Variants in ING1 observed in about 807,000 individuals in gnomAD.
ING1 encodes the protein inhibitor of growth family member 1, also known as inhibitor of growth protein 1.
Under a neutral mutation model 23.1 loss-of-function variants are expected in ING1, and 4 were observed. The ratio of observed to expected loss-of-function variants is 0.17; its 90% CI spans 0.09 to 0.40. The LOEUF is 0.40. Ranked by LOEUF, ING1 falls within the 10% of genes least tolerant of loss-of-function variation. The probability of loss-of-function intolerance (pLI) is 1.00; values close to 1 mark genes in which losing one functional copy is unlikely to be tolerated. For synonymous variants in ING1, 179 were observed against 166.4 expected (o/e 1.08, Z -0.58); for missense variants, 256 against 393.8 (o/e 0.65, Z 2.96).
At position 110,720,985 on chromosome 13, in the gene ING1, G is replaced by T; in HGVS notation, c.*1053G>T. The T allele has an allele frequency of 6.0e-6, 1 of 167,228 alleles. No homozygotes were observed. 10.4% of individuals were successfully genotyped at this position (167,228 alleles called of 1,614,324 possible). ...TCAGACCCTGGGTCAGGAAATTACT[G>T]CCCACTTGTCAAGTTCAGCCCACCA... On this transcript the variant is annotated 3_prime_UTR_variant, in exon 2 of 2. Coordinates refer to ENST00000333219, the MANE Select transcript of ING1 (RefSeq NM_198219.3).
chr13:110,723,141 C>G lies in ING1; in HGVS notation c.*3209C>G, dbSNP rs2064181707. On this transcript the variant is annotated 3_prime_UTR_variant, in exon 2 of 2. Transcript: ENST00000333219. ...GTATGTTCAAGGAAGTGTTGAGCAG[C>G]CATGGTGTTCCTGGGACAGGCTCCC... 1 of 152,302 alleles carries G rather than the reference C, an allele frequency of 6.6e-6. No individual in the cohort carries two copies. The highest frequency in any genetic ancestry group is 3.4e-3 in the Middle Eastern group (1 of 294). 9.4% of individuals were successfully genotyped at this position (152,302 alleles called of 1,614,324 possible). A position where few individuals can be genotyped will look rare whatever the true frequency, so the allele number is the denominator to read the frequency against.
chr13:110,714,422 G>A (rs1259845588), intron 1 of ING1, 137 bp downstream of exon 1: 1 of 802,896 alleles, frequency 1.2e-6, no homozygotes, highest in Non-Finnish European at 1.7e-6. Flanking sequence ...GCAGGGGCAG[G>A]AACAAAAGGT....
chr13:110,713,653 C>G, upstream of ING1: 1 of 985,416 alleles, frequency 1.0e-6, no homozygotes, highest in Non-Finnish European at 1.2e-6. Context: ...CGCATGCGCG[C>G]TGCGCAGCGG....
intron 1 of ING1, chr13:110,715,737 A>C: frequency 6.3e-7 from 1 of 1,585,166 alleles, no homozygotes; most frequent in Non-Finnish European, 8.6e-7. Context: ...CGATTCCCAT[A>C]GGCGGCGGCT....
intron 1 of ING1, chr13:110,715,662 C>G (rs750740457): frequency 1.1e-5 from 18 of 1,610,406 alleles, no homozygotes; most frequent in Admixed American, 8.5e-5. Flanking sequence ...GCTGCTGGGG[C>G]GGGCCGTGCT....
chr13:110,715,577 G>C, intron 1 of ING1: 1 of 1,614,134 alleles, frequency 6.2e-7, no homozygotes, highest in Non-Finnish European at 8.5e-7. Context: ...TCGGGGAGGA[G>C]CGGGGTGGAG....
chr13:110,715,821 C>A lies in ING1; in HGVS notation c.136+1536C>A, dbSNP rs781148085. 5 of 1,587,138 alleles carry A rather than the reference C, an allele frequency of 3.2e-6. No homozygotes were observed. In the South Asian group the frequency reaches 4.5e-5, roughly 14 times the overall value. ...AGGCCTGGCGGGTGTCGCCCCGGCCCCTCTCCCCGCTCAGCCCGGCCACTT... is the reference window on the plus strand; with the variant it reads ...AGGCCTGGCGGGTGTCGCCCCGGCCACTCTCCCCGCTCAGCCCGGCCACTT... On this transcript the variant is annotated intron_variant, in intron 1 of 1. Coordinates refer to ENST00000333219, the MANE Select transcript of ING1 (RefSeq NM_198219.3).
rs2064163496 is a variant in ING1, at chr13:110,720,492, C to T, written c.*560C>T. The T allele has an allele frequency of 6.0e-6, 1 of 167,052 alleles. No individual in the cohort carries two copies. The highest frequency in any genetic ancestry group is 2.1e-4 in the South Asian group (1 of 4,832). The allele number at this position is 167,052 out of a possible 1,614,324, so 10.3% of individuals were successfully genotyped here. ...TCTATTGGCCTGTTCCCCAAATGGC[C>T]ATTTTAAAATGCTTGGGTACACTTC... On this transcript the variant is annotated 3_prime_UTR_variant, in exon 2 of 2. Coordinates refer to ENST00000333219, the MANE Select transcript of ING1 (RefSeq NM_198219.3).
At chr13:110,715,737 A>AGGC in intron 1 of ING1, 1 of 1,585,166 alleles carries the variant, frequency 6.3e-7, no homozygotes, top group Middle Eastern at 1.7e-4. Flanking sequence ...CGATTCCCAT[A>AGGC]GGCGGCGGCT....
In ING1 at chr13:110,713,742, G is replaced by A. The variant is rs2064070103; in HGVS notation, c.-408G>A. The A allele has an allele frequency of 1.0e-6, 1 of 985,222 alleles. No individual in the cohort carries two copies. The allele number at this position is 985,222 out of a possible 1,614,324, so 61.0% of individuals were successfully genotyped here. ...CAAGTGCGGCTCGGCGGCCAGCGGA[G>A]CGCGCCCCTTCCCGCTGCCCGCTCC... On this transcript the variant is annotated 5_prime_UTR_variant, in exon 1 of 2. Coordinates refer to ENST00000333219, the MANE Select transcript of ING1 (RefSeq NM_198219.3).
In ING1 at chr13:110,721,603, G is replaced by A. The variant is rs1375188502; in HGVS notation, c.*1671G>A. ...TTTTTTTTTTTTTTTCTGAGATGGAGTCTCACTCTGTCTCCAGGCTAGAGT... is the reference window on the plus strand; with the variant it reads ...TTTTTTTTTTTTTTTCTGAGATGGAATCTCACTCTGTCTCCAGGCTAGAGT... On this transcript the variant is annotated 3_prime_UTR_variant, in exon 2 of 2. Transcript: ENST00000333219. The A allele has an allele frequency of 8.1e-6, 1 of 123,906 alleles. No homozygotes were observed. The highest frequency in any genetic ancestry group is 1.6e-5 in the Non-Finnish European group (1 of 61,198). The allele number at this position is 123,906 out of a possible 1,614,324, so 7.7% of individuals were successfully genotyped here.
chr13:110,719,120 T>C lies in ING1; in HGVS notation c.137-109T>C, dbSNP rs1449921498. ...GGTGGGCTTTGTTCTGGGCAAGCCGTGCGCTGGCCCCTAGGCTCCCTGCCA... is the reference window on the plus strand; with the variant it reads ...GGTGGGCTTTGTTCTGGGCAAGCCGCGCGCTGGCCCCTAGGCTCCCTGCCA... On this transcript the variant is annotated intron_variant, in intron 1 of 1. Transcript: ENST00000333219. The surrounding 1 kb of genome is among the most constrained non-coding windows in gnomAD (Gnocchi z 8.9). The C allele has an allele frequency of 9.8e-7, 1 of 1,025,294 alleles. No homozygotes were observed. The highest frequency in any genetic ancestry group is 1.6e-5 in the African/African-American group (1 of 62,292). The allele number at this position is 1,025,294 out of a possible 1,614,324, so 63.5% of individuals were successfully genotyped here. A position where few individuals can be genotyped will look rare whatever the true frequency, so the allele number is the denominator to read the frequency against.
chr13:110,719,624 G>A lies in ING1; in HGVS notation c.532G>A (p.Glu178Lys). Residue 178 changes from glutamate to lysine, a missense_variant, in exon 2 of 2, where the codon GAG becomes AAG. By Grantham distance (56) the Glu-to-Lys change is moderately conservative. Around this residue, in one of 3 missense-constraint regions of ING1, gnomAD observed 209 missense variants for 273.8 expected, o/e 0.76. Transcript: ENST00000333219. This position sits in a 1 kb window ranked among gnomAD's most constrained non-coding sequence, Gnocchi z 8.9. ...HDDGASGTPK[E>K]KKAKTSKKKK... ...CGACGGCGCCTCGGGCACACCCAAG[G>A]AGAAGAAGGCCAAGACCTCCAAGAA... 1 of 1,612,272 alleles carries A rather than the reference G, an allele frequency of 6.2e-7. No homozygotes were observed. The highest frequency in any genetic ancestry group is 1.1e-5 in the South Asian group (1 of 91,048).
chr13:110,714,379 AG>A (rs2064082051), intron 1 of ING1, 94 bp downstream of exon 1: 1 of 1,146,030 alleles, frequency 8.7e-7, no homozygotes, highest in Non-Finnish European at 1.1e-6. Context: ...CGTGGACCGG[AG>A]GAAGCGGCCG....
upstream of ING1, chr13:110,712,942 T>C: frequency 6.4e-7 from 1 of 1,559,318 alleles, no homozygotes; most frequent in South Asian, 1.2e-5. Flanking sequence ...GGGAGCCGCC[T>C]AGGCTGCTGG....
intron 1 of ING1, chr13:110,715,375 C>T (rs1192830265): frequency 6.7e-7 from 1 of 1,498,986 alleles, no homozygotes; most frequent in Non-Finnish European, 8.9e-7. Flanking sequence ...AGCTTCGCAG[C>T]GAATTTTATA....
intron 1 of ING1, among the ~76,000 whole-genome samples, chr13:110,717,914 A>G (rs1215414253): frequency 6.6e-6 from 1 of 152,244 alleles, no homozygotes; most frequent in Non-Finnish European, 1.5e-5. Flanking sequence ...GTTTAATTTA[A>G]TGGTTACTGT....
chr13:110,714,324 C>T (rs529975188), intron 1 of ING1, 39 bp downstream of exon 1: 32 of 1,503,878 alleles, frequency 2.1e-5, no homozygotes, highest in East Asian at 2.8e-5. Flanking sequence ...CGGCCGCCTC[C>T]TTCCCGGCGG....
At chr13:110,713,071 C>T, upstream of ING1, 1 of 1,446,820 alleles carries the variant, frequency 6.9e-7, no homozygotes, top group Non-Finnish European at 9.1e-7. Flanking sequence ...GCCCGGCCCT[C>T]CCCTTCCTTC....
Sources: gnomAD v4.1 joint callset for allele counts (sites outside exome capture counted in the v4.1 genomes callset) on GRCh38, gnomAD v4.1.1 for gene constraint, gnomAD v4.1.1 regional missense constraint, Gnocchi (gnomAD v3.1) non-coding constraint, MANE v1.5 for transcripts, NCBI Gene and HGNC (gene_info 2026-07-23, HGNC 2026-07-21) for gene names.